The following GPLD1 variants were observed in gnomAD, a reference collection of about 807,000 sequenced individuals.
GPLD1 encodes glycosylphosphatidylinositol specific phospholipase D1, also known as phosphatidylinositol-glycan-specific phospholipase D.
GPLD1 carries 84 observed loss-of-function variants against 112.6 expected under a neutral mutation model. That is an observed-to-expected ratio of 0.75 (90% CI 0.63 to 0.89). The LOEUF (loss-of-function observed/expected upper bound fraction) is 0.89, where lower values mean the gene tolerates loss of function less well. Ranked by LOEUF, GPLD1 falls within the 40% of genes least tolerant of loss-of-function variation. The pLI is 0.00. For missense variants in GPLD1, 1,044 were observed against 1,051.5 expected, an observed-to-expected ratio of 0.99 and a Z score of 0.10; for synonymous variants, 386 against 403.8, an observed-to-expected ratio of 0.96 and a Z score of 0.53.
In GPLD1 at chr6:24,456,630, A is replaced by G. The variant is rs1020540903; in HGVS notation, c.1016T>C (p.Met339Thr). The change falls in exon 13 of 25, where the codon ATG becomes ACG. Residue 339 changes from methionine (M) to threonine (T), a missense_variant. Coordinates refer to ENST00000230036, the MANE Select transcript of GPLD1 (RefSeq NM_001503.4). ...FSVNSWTPDS[M>T]SFIYKALERN... is the part of the protein sequence containing the mutation. Reference sequence around the variant, plus strand: ...TTCCAAAGCCTTGTAGATAAAGGACATGGAATCCTGAAATAAAAGAATCAT... The same window carrying G: ...TTCCAAAGCCTTGTAGATAAAGGACGTGGAATCCTGAAATAAAAGAATCAT... 8.1e-6 allele frequency: 13 copies of G among 1,595,310 alleles called. No individual in the cohort carries two copies. Among genetic ancestry groups the G allele is most frequent in the Non-Finnish European group, 1.0e-5 (12 of 1,168,128 alleles).
chr6:24,453,831 T>C (rs1045033842), intron 14 of GPLD1, among the ~76,000 whole-genome samples, 184 bp downstream of exon 14: 9 of 152,174 alleles, frequency 5.9e-5, no homozygotes, highest in East Asian at 1.9e-4. Context: ...ATTAGACTAA[T>C]GATAGAATAA....
At chr6:24,457,945 G>A (rs981361625) in intron 12 of GPLD1, among the ~76,000 whole-genome samples, 5 of 151,770 alleles carry the variant, frequency 3.3e-5, no homozygotes, top group African/African-American at 9.7e-5. Context: ...AGGCAGGCAC[G>A]AGAGGTCACA....
chr6:24,446,568 G>A (rs1432234005), intron 18 of GPLD1, among the ~76,000 whole-genome samples: 3 of 152,104 alleles, frequency 2.0e-5, no homozygotes, highest in African/African-American at 2.4e-5. Context: ...TGCAAGCCAA[G>A]GAGACAGGCC....
chr6:24,487,185 G>A (rs1220958064), intron 1 of GPLD1, among the ~76,000 whole-genome samples: 1 of 152,126 alleles, frequency 6.6e-6, no homozygotes. Flanking sequence ...AATAACCTGT[G>A]TACAGGATTC....
At chr6:24,456,750 C>T (rs1763281371) in intron 12 of GPLD1, 113 bp from the exon 13 acceptor site, 4 of 649,662 alleles carry the variant, frequency 6.2e-6, no homozygotes, top group Non-Finnish European at 1.0e-5. Context: ...TTTAGAAGTG[C>T]TAAACAATAA....
chr6:24,466,956 A>C lies in GPLD1; in HGVS notation c.654-17T>G, dbSNP rs896954106. 1 of 1,606,838 alleles carries C rather than the reference A, an allele frequency of 6.2e-7. No homozygotes were observed. Among genetic ancestry groups the C allele is most frequent in the Non-Finnish European group, 8.5e-7 (1 of 1,173,598 alleles). ...TCACCATACCTGCAAAATAAACAAT[A>C]ATTTTGGCTGTGAGTTGCAGTTTGT... On this transcript the variant is annotated splice_polypyrimidine_tract_variant and intron_variant, in intron 8 of 24. Transcript: ENST00000230036.
chr6:24,449,645 G>A (rs1324946788), intron 15 of GPLD1, 144 bp downstream of exon 15: 1 of 616,188 alleles, frequency 1.6e-6, no homozygotes, highest in Non-Finnish European at 2.9e-6. Context: ...CCCCATAGGG[G>A]CCTGAGATTA....
chr6:24,489,202 CTCTT>C (rs1295040450), intron 1 of GPLD1, among the ~76,000 whole-genome samples: 3 of 152,166 alleles, frequency 2.0e-5, no homozygotes, highest in South Asian at 2.1e-4. Flanking sequence ...GGCATCAGCT[CTCTT>C]TCTTATTTGC....
At chr6:24,469,379 C>A (rs1451032588) in intron 7 of GPLD1, among the ~76,000 whole-genome samples, 5 of 125,874 alleles carry the variant, frequency 4.0e-5, no homozygotes, top group South Asian at 3.0e-4. Flanking sequence ...GAACCAACCC[C>A]AATGTCCAAC....
chr6:24,485,856 A>T (rs903864035), intron 2 of GPLD1, among the ~76,000 whole-genome samples: 1 of 151,848 alleles, frequency 6.6e-6, no homozygotes, highest in Non-Finnish European at 1.5e-5. Context: ...TTTAGTGGAG[A>T]TGGGGTTTCT....
intron 22 of GPLD1, among the ~76,000 whole-genome samples, chr6:24,435,448 C>T (rs116468931): frequency 2.2e-3 from 341 of 152,242 alleles, no homozygotes; most frequent in Middle Eastern, 6.8e-3. Context: ...GGTATTAGCT[C>T]TGCAGAGTGG....
At chr6:24,460,069 T>C (rs1489051413) in intron 12 of GPLD1, among the ~76,000 whole-genome samples, 1 of 152,182 alleles carries the variant, frequency 6.6e-6, no homozygotes, top group East Asian at 1.9e-4. Context: ...AGCTAATTTA[T>C]TTATTTTTTA....
chr6:24,446,791 TAC>T (rs1286684438), intron 18 of GPLD1, 45 bp downstream of exon 18: 1 of 1,594,604 alleles, frequency 6.3e-7, no homozygotes, highest in South Asian at 1.1e-5. Flanking sequence ...TAGCAGCAGG[TAC>T]CTGCCCCTGT....
chr6:24,465,964 A>T (rs1334373846), intron 10 of GPLD1, among the ~76,000 whole-genome samples: 1 of 151,908 alleles, frequency 6.6e-6, no homozygotes, highest in East Asian at 1.9e-4. Flanking sequence ...GTCAGGGTGG[A>T]GAGGTGTGTC....
intron 11 of GPLD1, among the ~76,000 whole-genome samples, chr6:24,462,172 G>C (rs1185197184): frequency 6.6e-6 from 1 of 152,024 alleles, no homozygotes; most frequent in Non-Finnish European, 1.5e-5. Flanking sequence ...TCACTCTGTT[G>C]CCTAGACTGG....
chr6:24,480,788 C>A (rs754632358), intron 2 of GPLD1, among the ~76,000 whole-genome samples: 98 of 152,298 alleles, frequency 6.4e-4, no homozygotes, highest in Middle Eastern at 3.4e-3. Context: ...TAGCTGCATG[C>A]TATAGGCTAG....
At position 24,489,402 on chromosome 6, in the gene GPLD1, C is replaced by T. The variant is rs1207908665; in HGVS notation, c.97+13G>A. 7 of 1,545,132 alleles carry T rather than the reference C, an allele frequency of 4.5e-6. No individual in the cohort carries two copies. The highest frequency in any genetic ancestry group is 1.4e-5 in the African/African-American group (1 of 73,654). On this transcript the variant is annotated intron_variant, in intron 1 of 24. Coordinates refer to ENST00000230036, the MANE Select transcript of GPLD1 (RefSeq NM_001503.4). The stretch of plus-strand genomic sequence containing the variant: ...TTGTCCTCTCAACAACATAACAAGA[C>T]ACCAGTACTTACCTATTTCTACGTG...
Position 24,475,141 on chromosome 6 carries a change from A to T in GPLD1, c.421T>A (p.Phe141Ile). The change falls in exon 5 of 25, where the codon TTC becomes ATC. Residue 141 changes from phenylalanine (F) to isoleucine (I), a missense_variant. By Grantham distance (21) the Phe-to-Ile change is conservative. Coordinates refer to ENST00000230036, the MANE Select transcript of GPLD1 (RefSeq NM_001503.4). The stretch of plus-strand genomic sequence containing the variant: ...CTCACAGCTCCCATGGTCCTAAGGA[A>T]TCCTTGTTCAAGGCCCAGACTATGC... ...SWHSLGLEQG[F>I]LRTMGAIDFH... is the part of the protein sequence containing the mutation. 2 of 1,596,694 alleles carry T rather than the reference A, an allele frequency of 1.3e-6. No individual in the cohort carries two copies. Among genetic ancestry groups the T allele is most frequent in the Non-Finnish European group, 8.6e-7 (1 of 1,164,134 alleles).
intron 4 of GPLD1, among the ~76,000 whole-genome samples, chr6:24,475,785 G>T (rs955943642): frequency 2.0e-5 from 3 of 151,826 alleles, no homozygotes; most frequent in African/African-American, 7.3e-5. Context: ...ATGAACCCGG[G>T]AGGTGGAGCT....
Sources: gnomAD v4.1 joint callset for allele counts (sites outside exome capture counted in the v4.1 genomes callset) on GRCh38, gnomAD v4.1.1 for gene constraint, MANE v1.5 for transcripts, NCBI Gene and HGNC (gene_info 2026-07-23, HGNC 2026-07-21) for gene names.